DIABLO: variants seen among roughly 807,000 people sequenced by gnomAD.
The protein encoded by DIABLO is diablo homolog, mitochondrial.
In DIABLO, 32 loss-of-function variants were observed where a neutral mutation model predicts 31.7. The ratio of observed to expected loss-of-function variants is 1.01; its 90% CI spans 0.76 to 1.35. The LOEUF is 1.35. Among genes scored for constraint, DIABLO ranks in the 40% most tolerant of loss-of-function variants. The pLI is 0.00. For missense variants in DIABLO, 316 were observed against 286.4 expected (o/e 1.10, Z -0.75); for synonymous variants, 132 against 103.2 (o/e 1.28, Z -1.69).
chr12:122,211,076 G>GA (rs1954076243), intron 5 of DIABLO, among the ~76,000 whole-genome samples: 1 of 3,264 alleles, frequency 3.1e-4, no homozygotes, highest in Non-Finnish European at 7.7e-4. Flanking sequence ...TTAGTTAAAA[G>GA]TAAAAAAAAA....
chr12:122,217,042 G>A (rs1954230161), intron 3 of DIABLO, 173 bp from the exon 4 acceptor site: 1 of 601,972 alleles, frequency 1.7e-6, no homozygotes, highest in Non-Finnish European at 3.0e-6. Context: ...CAGGACATTA[G>A]TATCTCCATC....
chr12:122,219,980 A>AT (rs1954300264), intron 2 of DIABLO, among the ~76,000 whole-genome samples: 1 of 149,038 alleles, frequency 6.7e-6, no homozygotes, highest in Non-Finnish European at 1.5e-5. Context: ...GTCTCACTCT[A>AT]TCACCCAGGC....
intron 3 of DIABLO, 28 bp from the exon 4 acceptor site, chr12:122,216,897 G>A: frequency 6.4e-7 from 1 of 1,564,742 alleles, no homozygotes; most frequent in Non-Finnish European, 8.8e-7. Context: ...ACAAGTCTGA[G>A]TAAAGTAAGT....
chr12:122,216,396 A>G, intron 5 of DIABLO, 92 bp downstream of exon 5: 13 of 1,088,866 alleles, frequency 1.2e-5, no homozygotes, highest in Non-Finnish European at 1.8e-5. Flanking sequence ...TTTACTATAA[A>G]GCCCTCATTT....
At chr12:122,223,540 C>G (rs956386978) in intron 2 of DIABLO, among the ~76,000 whole-genome samples, 1 of 152,046 alleles carries the variant, frequency 6.6e-6, no homozygotes, top group Admixed American at 6.6e-5. Context: ...TATCAGTTAA[C>G]TCTCTGGCTT....
intron 5 of DIABLO, among the ~76,000 whole-genome samples, chr12:122,212,865 T>G (rs1375982415): frequency 1.3e-5 from 2 of 151,748 alleles, no homozygotes; most frequent in Non-Finnish European, 2.9e-5. Context: ...GACCACATGA[T>G]CCGCCCACCT....
rs190786694 is a variant in DIABLO at position 122,222,007 on chromosome 12, T to C, written c.183+2505A>G. 643 of 152,340 alleles carry C rather than the reference T, an allele frequency of 4.2e-3. 7 individuals carry two copies. Among genetic ancestry groups the C allele is most frequent in the African/African-American group, 0.015 (604 of 41,592 alleles). The allele number at this position is 152,340 out of a possible 1,614,324, so 9.4% of individuals were successfully genotyped here. A position where few individuals can be genotyped will look rare whatever the true frequency, so the allele number is the denominator to read the frequency against. On this transcript the variant is annotated intron_variant, in intron 2 of 5. Transcript: ENST00000464942. Reference sequence around the variant, plus strand: ...GAGCCTCAGAAGATGCTGAAAATACTTGTAATACATGGAATTAATCTTCCT... The same window carrying C: ...GAGCCTCAGAAGATGCTGAAAATACCTGTAATACATGGAATTAATCTTCCT...
intron 5 of DIABLO, among the ~76,000 whole-genome samples, chr12:122,215,410 C>T (rs139223613): frequency 6.6e-6 from 1 of 152,132 alleles, no homozygotes; most frequent in East Asian, 1.9e-4. Context: ...AAAACCCCTT[C>T]TCTATTAAAA....
intron 1 of DIABLO, 23 bp from the exon 2 acceptor site, chr12:122,224,667 A>G (rs771707841): frequency 6.2e-6 from 10 of 1,614,178 alleles, no homozygotes; most frequent in South Asian, 2.2e-5. Flanking sequence ...GTCAGATTTC[A>G]TAAGGCACGA....
chr12:122,224,980 A>C, intron 1 of DIABLO: 1 of 500,258 alleles, frequency 2.0e-6, no homozygotes, highest in South Asian at 2.0e-5. Context: ...ATAAAGGCCG[A>C]GGCGGGTGGA....
intron 3 of DIABLO, 121 bp downstream of exon 3, chr12:122,218,144 TA>T: frequency 8.1e-7 from 1 of 1,233,580 alleles, no homozygotes; most frequent in Non-Finnish European, 1.2e-6. Context: ...TGACAACACA[TA>T]AACAAATAGG....
intron 1 of DIABLO, 71 bp downstream of exon 1, chr12:122,225,894 G>A: frequency 6.5e-7 from 1 of 1,545,826 alleles, no homozygotes; most frequent in South Asian, 1.2e-5. Context: ...GGCGCCGTGG[G>A]CCGGGCCACA....
At position 122,208,293 on chromosome 12, in the gene DIABLO, CACAG is replaced by C. The variant is rs750239000; in HGVS notation, c.*84_*87del. The C allele has an allele frequency of 1.4e-4, 205 of 1,506,092 alleles. No homozygotes were observed. Among genetic ancestry groups the C allele is most frequent in the African/African-American group, 9.4e-4 (68 of 72,668 alleles). 93.3% of individuals were successfully genotyped at this position (1,506,092 alleles called of 1,614,324 possible). A position where few individuals can be genotyped will look rare whatever the true frequency, so the allele number is the denominator to read the frequency against. On this transcript the variant is annotated 3_prime_UTR_variant, in exon 6 of 6. Transcript: ENST00000464942. ...CAGGATCTGCCGCCTCTTCTCGGTG[CACAG>C]ACAGTCATGCCAACCCTGGGCAGGG...
At chr12:122,210,459 A>G (rs1366204121) in intron 5 of DIABLO, among the ~76,000 whole-genome samples, 3 of 132,978 alleles carry the variant, frequency 2.3e-5, no homozygotes, top group Admixed American at 8.9e-5. Flanking sequence ...TGTAAGCTCC[A>G]CCTCCCGGGT....
At chr12:122,220,819 A>C (rs1462447107) in intron 2 of DIABLO, 1 of 151,350 alleles carries the variant, frequency 6.6e-6, no homozygotes, top group Non-Finnish European at 1.5e-5. Flanking sequence ...ATTTCAAATA[A>C]TTAAGTATTC....
chr12:122,211,241 A>T (rs993404703), intron 5 of DIABLO, among the ~76,000 whole-genome samples: 3 of 152,012 alleles, frequency 2.0e-5, no homozygotes, highest in Non-Finnish European at 4.4e-5. Flanking sequence ...CTCTACCAAA[A>T]AATAAAAAAG....
intron 1 of DIABLO, chr12:122,225,719 A>G: frequency 7.0e-7 from 1 of 1,421,546 alleles, no homozygotes; most frequent in Non-Finnish European, 9.2e-7. Context: ...AGCCCCAAGA[A>G]GGCAGCCCGG....
Position 122,208,583 on chromosome 12 carries a change from A to G in DIABLO, c.524-6T>C. ...TATAGAGGCCTGATCTGCGCCTGCC[A>G]AAAGATGGGACAATCGGGTTGAGCA... is the stretch of plus-strand genomic sequence containing the variant. On this transcript the variant is annotated splice_region_variant and splice_polypyrimidine_tract_variant and intron_variant, in intron 5 of 5. Coordinates refer to ENST00000464942, the MANE Select transcript of DIABLO (RefSeq NM_001371333.1). 6.2e-7 allele frequency: 1 copy of G among 1,611,530 alleles called. No individual in the cohort carries two copies. The highest frequency in any genetic ancestry group is 8.5e-7 in the Non-Finnish European group (1 of 1,179,954).
rs183578523 is a variant in DIABLO, at chr12:122,210,884, A to G, written c.524-2307T>C. On this transcript the variant is annotated intron_variant, in intron 5 of 5. Transcript: ENST00000464942. ...CAAAACTCTGTTTCTACTAAAAATA[A>G]AAAAATTAGCTGGGGCATGGTGGTG... Among the ~76,000 whole-genome samples, 12 of 150,258 alleles carry G rather than the reference A, an allele frequency of 8.0e-5. No homozygotes were observed. The East Asian group carries it at 9.7e-4, about 12-fold the overall frequency.
Sources: allele counts gnomAD v4.1 joint callset (sites outside exome capture counted in the v4.1 genomes callset), GRCh38; gene constraint gnomAD v4.1.1; transcripts MANE v1.5; gene names NCBI Gene and HGNC (gene_info 2026-07-23, HGNC 2026-07-21).